IGF2BP1: variants seen among roughly 807,000 people sequenced by gnomAD.
The protein encoded by IGF2BP1 is insulin like growth factor 2 mRNA binding protein 1, also known as insulin-like growth factor 2 mRNA-binding protein 1.
In IGF2BP1, 11 loss-of-function variants were observed where a neutral mutation model predicts 74.9. The ratio of observed to expected loss-of-function variants is 0.15; its 90% CI spans 0.09 to 0.24. IGF2BP1 has a LOEUF of 0.24. Ranked by LOEUF, IGF2BP1 falls within the 10% of genes least tolerant of loss-of-function variation. The pLI is 1.00. For missense variants in IGF2BP1, 440 were observed against 757.4 expected (o/e 0.58, Z 4.92); for synonymous variants, 287 against 281.8 (o/e 1.02, Z -0.18).
intron 2 of IGF2BP1, among the ~76,000 whole-genome samples, chr17:49,007,840 G>A (rs1380311280): frequency 3.3e-5 from 5 of 152,150 alleles, no homozygotes; most frequent in Non-Finnish European, 7.3e-5. Flanking sequence ...CTGTAATAGA[G>A]ACCAGTTGCT....
At chr17:49,021,159 A>AG (rs749319114) in intron 2 of IGF2BP1, among the ~76,000 whole-genome samples, 1 of 151,588 alleles carries the variant, frequency 6.6e-6, no homozygotes, top group African/African-American at 2.4e-5. Context: ...AAAAAAAAAA[A>AG]GCAGGCTCTT....
intron 9 of IGF2BP1, 116 bp downstream of exon 9, chr17:49,042,493 G>A: frequency 9.4e-7 from 1 of 1,067,580 alleles, no homozygotes; most frequent in East Asian, 2.5e-5. Flanking sequence ...AGCTTTAGTT[G>A]ATGCTTTTGG....
At chr17:49,015,562 C>G (rs900735657) in intron 2 of IGF2BP1, among the ~76,000 whole-genome samples, 1 of 152,230 alleles carries the variant, frequency 6.6e-6, no homozygotes, top group Non-Finnish European at 1.5e-5. Flanking sequence ...TGGGTCACCT[C>G]TTTTCTATTT....
intron 2 of IGF2BP1, among the ~76,000 whole-genome samples, chr17:49,018,657 C>CAA (rs200722102): frequency 3.5e-4 from 44 of 127,448 alleles, no homozygotes; most frequent in African/African-American, 1.2e-3. Flanking sequence ...GGAACTGTTT[C>CAA]AAAAAAAAAA....
At chr17:49,030,108 C>G (rs1169542034) in intron 4 of IGF2BP1, among the ~76,000 whole-genome samples, 1 of 149,894 alleles carries the variant, frequency 6.7e-6, no homozygotes, top group African/African-American at 2.5e-5. Flanking sequence ...TTCTAGACTT[C>G]TACAGCCATT....
chr17:49,017,123 C>G (rs1332201599), intron 2 of IGF2BP1, among the ~76,000 whole-genome samples: 1 of 152,118 alleles, frequency 6.6e-6, no homozygotes, highest in South Asian at 2.1e-4. Context: ...GGAGCGACAA[C>G]TGGGAGAGGG....
At chr17:49,019,931 T>C (rs2041761758) in intron 2 of IGF2BP1, among the ~76,000 whole-genome samples, 1 of 63,310 alleles carries the variant, frequency 1.6e-5, no homozygotes, top group African/African-American at 8.5e-5. Context: ...TATATATATA[T>C]ATATATATAT....
At position 49,054,097 on chromosome 17, in the gene IGF2BP1, A is replaced by C. The variant is rs577111908; in HGVS notation, c.*4653A>C. On this transcript the variant is annotated 3_prime_UTR_variant, in exon 15 of 15. Coordinates refer to ENST00000290341, the MANE Select transcript of IGF2BP1 (RefSeq NM_006546.4). ...ACTGCAGTTTCTTTCCTTTGGATAC[A>C]TAAGGCTTCTCTATCGGGGTACGGG... is the stretch of plus-strand genomic sequence containing the variant. 6.5e-6 allele frequency: 1 copy of C among 152,830 alleles called. No homozygotes were observed. Among genetic ancestry groups the C allele is most frequent in the African/African-American group, 2.4e-5 (1 of 41,582 alleles). The allele number at this position is 152,830 out of a possible 1,614,324, so 9.5% of individuals were successfully genotyped here. A position where few individuals can be genotyped will look rare whatever the true frequency, so the allele number is the denominator to read the frequency against.
At position 49,044,854 on chromosome 17, in the gene IGF2BP1, G is replaced by T. The variant is rs899797418; in HGVS notation, c.1321-137G>T. 3 of 707,784 alleles carry T rather than the reference G, an allele frequency of 4.2e-6. No homozygotes were observed. In the African/African-American group the frequency reaches 5.3e-5, roughly 13 times the overall value. The allele number at this position is 707,784 out of a possible 1,614,324, so 43.8% of individuals were successfully genotyped here. ...GAAGGCGTAATGATGTGGGCTTCAG[G>T]GTCTTTGTTCTTCCTCCCCTAAGTC... On this transcript the variant is annotated intron_variant, in intron 11 of 14. Transcript: ENST00000290341.
At chr17:49,020,957 C>T (rs2041783996) in intron 2 of IGF2BP1, among the ~76,000 whole-genome samples, 2 of 139,114 alleles carry the variant, frequency 1.4e-5, no homozygotes, top group African/African-American at 5.7e-5. Flanking sequence ...GGTGAGGCCC[C>T]GTCTCTACAA....
At chr17:49,040,842 C>T (rs1450260030) in intron 7 of IGF2BP1, among the ~76,000 whole-genome samples, 2 of 152,132 alleles carry the variant, frequency 1.3e-5, no homozygotes, top group Non-Finnish European at 1.5e-5. Context: ...TTAAACTTTT[C>T]CTTATCAGAA....
intron 5 of IGF2BP1, 130 bp from the exon 6 acceptor site, chr17:49,038,038 T>G (rs74443707): frequency 0.019 from 14,185 of 731,500 alleles, 236 homozygotes; most frequent in South Asian, 0.07. Context: ...GTGGAGGTAG[T>G]GGGCAGGTGA....
At chr17:49,013,089 T>G (rs2041641496) in intron 2 of IGF2BP1, 1 of 152,162 alleles carries the variant, frequency 6.6e-6, no homozygotes, top group African/African-American at 2.4e-5. Flanking sequence ...CAACTCAGCC[T>G]CTTGTGGTGG....
chr17:49,032,337 C>T (rs1363383599), intron 5 of IGF2BP1, among the ~76,000 whole-genome samples: 1 of 152,076 alleles, frequency 6.6e-6, no homozygotes, highest in African/African-American at 2.4e-5. Context: ...GTGTTCATGG[C>T]GCCATCTAGT....
chr17:49,034,650 AGGAGGT>A (rs567626933), intron 5 of IGF2BP1, among the ~76,000 whole-genome samples: 12 of 150,762 alleles, frequency 8.0e-5, no homozygotes, highest in South Asian at 2.1e-4. Context: ...GCTTGAGCCC[AGGAGGT>A]GGAGGTGGAG....
Position 49,009,411 on chromosome 17 carries a change from T to A in IGF2BP1, c.236+10242T>A, listed in dbSNP as rs577001038. Among the ~76,000 whole-genome samples the A allele has an allele frequency of 1.4e-3, 219 of 152,092 alleles. 3 individuals carry two copies. The Middle Eastern group carries it at 0.02, about 14-fold the overall frequency. On this transcript the variant is annotated intron_variant, in intron 2 of 14. Coordinates refer to ENST00000290341, the MANE Select transcript of IGF2BP1 (RefSeq NM_006546.4). Reference sequence around the variant, plus strand: ...TTCTCTTTATCCTTGGTATTTTTTTTAAAAAAATTATTTTTAGGCTGGGCG... The same window carrying A: ...TTCTCTTTATCCTTGGTATTTTTTTAAAAAAAATTATTTTTAGGCTGGGCG...
chr17:49,000,576 G>A (rs2041477334), intron 2 of IGF2BP1, among the ~76,000 whole-genome samples: 1 of 152,158 alleles, frequency 6.6e-6, no homozygotes, highest in African/African-American at 2.4e-5. Context: ...TGTGTCTAAG[G>A]AACATACACT....
At chr17:49,011,136 T>TA (rs2041612467) in intron 2 of IGF2BP1, among the ~76,000 whole-genome samples, 1 of 15,342 alleles carries the variant, frequency 6.5e-5, no homozygotes, top group Non-Finnish European at 1.1e-4. Context: ...AGACTCTGTC[T>TA]CAAAAAAAAA....
rs1014876666 is a variant in IGF2BP1, at chr17:48,999,025, T to TA, written c.176-83dup. 6.2e-6 allele frequency: 5 copies of TA among 810,342 alleles called. No homozygotes were observed. In the Admixed American group the frequency reaches 1.1e-4, roughly 17 times the overall value. The allele number at this position is 810,342 out of a possible 1,614,324, so 50.2% of individuals were successfully genotyped here. On this transcript the variant is annotated intron_variant, in intron 1 of 14. Transcript: ENST00000290341. ...TCTCGAATCCCAGTAACTCCTGAAT[T>TA]ATCCTAGTGTCTTTTCCCCTTCCTC...
Sources: allele counts gnomAD v4.1 joint callset (sites outside exome capture counted in the v4.1 genomes callset), GRCh38; gene constraint gnomAD v4.1.1; transcripts MANE v1.5; gene names NCBI Gene and HGNC (gene_info 2026-07-23, HGNC 2026-07-21).